TMEM132D: variants seen among roughly 807,000 people sequenced by gnomAD.
The protein encoded by TMEM132D is transmembrane protein 132D, also known as mature OL transmembrane protein.
Under a neutral mutation model 62.3 loss-of-function variants are expected in TMEM132D, and 21 were observed. The observed-to-expected ratio is 0.34, with a 90% CI of 0.24 to 0.49. The LOEUF (loss-of-function observed/expected upper bound fraction) is 0.49. Ranked by LOEUF, TMEM132D falls within the 20% of genes least tolerant of loss-of-function variation. The pLI is 0.99. For missense variants in TMEM132D, 1,346 were observed against 1,402.8 expected (o/e 0.96, Z 0.65); for synonymous variants, 621 against 575.6 (o/e 1.08, Z -1.13).
At chr12:129,137,402 C>T (rs12302047) in intron 5 of TMEM132D, among the ~76,000 whole-genome samples, 9,756 of 152,200 alleles carry the variant, frequency 0.064, 517 homozygotes, top group East Asian at 0.28. Context: ...CTATTACTAC[C>T]CCCATTATTA....
chr12:129,809,323 A>T (rs577655029), intron 1 of TMEM132D, among the ~76,000 whole-genome samples: 41 of 140,038 alleles, frequency 2.9e-4, no homozygotes, highest in African/African-American at 9.6e-4. Flanking sequence ...AAAAAAAAAA[A>T]ATTTTTTTTT....
chr12:129,706,786 A>T lies in TMEM132D; in HGVS notation c.80-6088T>A, dbSNP rs577241649. Among the ~76,000 whole-genome samples the T allele has an allele frequency of 5.9e-5, 9 of 152,098 alleles. No individual in the cohort carries two copies. In the South Asian group the frequency reaches 1.0e-3, roughly 18 times the overall value. On this transcript the variant is annotated intron_variant, in intron 1 of 8. Transcript: ENST00000422113. ...ATCATATACACGAGAATATAATTTC[A>T]TAAAAACTATGAATTTATATTCATA...
chr12:129,159,167 T>TG (rs771202423), intron 5 of TMEM132D, among the ~76,000 whole-genome samples: 2 of 152,184 alleles, frequency 1.3e-5, no homozygotes, highest in Non-Finnish European at 2.9e-5. Flanking sequence ...ATGTACTTCT[T>TG]GGTTTTAACA....
intron 1 of TMEM132D, among the ~76,000 whole-genome samples, chr12:129,776,751 T>C (rs1040778578): frequency 6.9e-6 from 1 of 145,718 alleles, no homozygotes; most frequent in African/African-American, 2.6e-5. Context: ...GGCAACGACA[T>C]GTCAGGTCTG....
intron 3 of TMEM132D, among the ~76,000 whole-genome samples, chr12:129,408,607 C>A: frequency 6.6e-6 from 1 of 151,362 alleles, no homozygotes; most frequent in Non-Finnish European, 1.5e-5. Context: ...TTTTTATATA[C>A]CATTGAGAGC....
rs951674100 is a variant in TMEM132D, at chr12:129,191,077, C to G, written c.1443+18443G>C. Among the ~76,000 whole-genome samples, 5 of 152,286 alleles carry G rather than the reference C, an allele frequency of 3.3e-5. No homozygotes were observed. In the South Asian group the frequency reaches 1.0e-3, roughly 32 times the overall value. On this transcript the variant is annotated intron_variant, in intron 5 of 8. Coordinates refer to ENST00000422113, the MANE Select transcript of TMEM132D (RefSeq NM_133448.3). Reference sequence around the variant, plus strand: ...CTGATCTCTGACTCCTCAGACCTGGCTATTTCCTCTCCAAGGGACGTGGGC... The same window carrying G: ...CTGATCTCTGACTCCTCAGACCTGGGTATTTCCTCTCCAAGGGACGTGGGC...
chr12:129,516,183 G>A (rs547952575), intron 3 of TMEM132D, among the ~76,000 whole-genome samples: 1 of 152,260 alleles, frequency 6.6e-6, no homozygotes, highest in South Asian at 2.1e-4. Flanking sequence ...CTTGGACTCA[G>A]ACCCTGTGAA....
intron 2 of TMEM132D, among the ~76,000 whole-genome samples, chr12:129,590,161 T>C (rs1409405435): frequency 6.6e-6 from 1 of 152,208 alleles, no homozygotes; most frequent in Non-Finnish European, 1.5e-5. Flanking sequence ...CCAATTTATC[T>C]GTGTCTCTCT....
intron 1 of TMEM132D, among the ~76,000 whole-genome samples, chr12:129,838,165 C>A (rs1873065772): frequency 6.6e-6 from 1 of 152,050 alleles, no homozygotes; most frequent in Non-Finnish European, 1.5e-5. Flanking sequence ...AAAGGATGAC[C>A]ATAAATCAGG....
At chr12:129,760,717 C>A (rs1870346598) in intron 1 of TMEM132D, among the ~76,000 whole-genome samples, 1 of 151,158 alleles carries the variant, frequency 6.6e-6, no homozygotes. Flanking sequence ...CATAGGTATA[C>A]ATGTGCCATG....
chr12:129,075,255 A>C (rs1565954993), intron 8 of TMEM132D, among the ~76,000 whole-genome samples, 196 bp from the exon 9 acceptor site: 1 of 152,186 alleles, frequency 6.6e-6, no homozygotes, highest in Non-Finnish European at 1.5e-5. Context: ...GCAAAAAAGC[A>C]AAATAAAACA....
intron 1 of TMEM132D, among the ~76,000 whole-genome samples, chr12:129,811,104 C>T (rs1462709964): frequency 6.6e-6 from 1 of 151,722 alleles, no homozygotes. Context: ...TATCAATGAA[C>T]GGATTTAACA....
intron 5 of TMEM132D, among the ~76,000 whole-genome samples, chr12:129,134,767 A>G (rs1876505759): frequency 6.6e-6 from 1 of 152,166 alleles, no homozygotes; most frequent in African/African-American, 2.4e-5. Context: ...CACTAGGCAA[A>G]GACCTAAGTG....
chr12:129,798,404 G>T (rs1871628724), intron 1 of TMEM132D, among the ~76,000 whole-genome samples: 2 of 152,142 alleles, frequency 1.3e-5, no homozygotes, highest in Non-Finnish European at 1.5e-5. Context: ...TAGGTTAACT[G>T]CTTTTCAATT....
chr12:129,668,535 T>C (rs1278606737), intron 2 of TMEM132D, among the ~76,000 whole-genome samples: 1 of 151,984 alleles, frequency 6.6e-6, no homozygotes, highest in East Asian at 2.0e-4. Context: ...TCTAGGACTC[T>C]CATGGAGAGC....
At chr12:129,566,497 CA>C (rs1242366556) in intron 2 of TMEM132D, among the ~76,000 whole-genome samples, 1 of 152,060 alleles carries the variant, frequency 6.6e-6, no homozygotes, top group African/African-American at 2.4e-5. Flanking sequence ...CAGAAATGAC[CA>C]GCATTAATAT....
At chr12:129,097,270 C>T (rs1000579942) in intron 5 of TMEM132D, among the ~76,000 whole-genome samples, 7 of 152,324 alleles carry the variant, frequency 4.6e-5, no homozygotes, top group East Asian at 3.9e-4. Flanking sequence ...AACCCCTGGG[C>T]GGCAAGAGCA....
At chr12:129,090,145 G>C (rs2135626958) in intron 5 of TMEM132D, among the ~76,000 whole-genome samples, 1 of 152,318 alleles carries the variant, frequency 6.6e-6, no homozygotes, top group East Asian at 1.9e-4. Flanking sequence ...CCCAGGTCCG[G>C]TTAAGAGTGG....
chr12:129,651,741 T>C (rs1271630651), intron 2 of TMEM132D, among the ~76,000 whole-genome samples: 1 of 152,286 alleles, frequency 6.6e-6, no homozygotes, highest in South Asian at 2.1e-4. Context: ...AGACATTCTT[T>C]CCCTGCTATC....
Sources: gnomAD v4.1 joint callset for allele counts (sites outside exome capture counted in the v4.1 genomes callset) on GRCh38, gnomAD v4.1.1 for gene constraint, MANE v1.5 for transcripts, NCBI Gene and HGNC (gene_info 2026-07-23, HGNC 2026-07-21) for gene names.